GRIK3: variants seen among roughly 807,000 people sequenced by gnomAD.
The protein encoded by GRIK3 is glutamate ionotropic receptor kainate type subunit 3, also known as glutamate receptor ionotropic, kainate 3.
In GRIK3, 29 loss-of-function variants were observed where a neutral mutation model predicts 102.5. That is an observed-to-expected ratio of 0.28 (90% CI 0.21 to 0.39). GRIK3 has a LOEUF of 0.39. GRIK3 is among the 10% of genes least tolerant of loss of function. GRIK3 has a pLI of 1.00. For synonymous variants in GRIK3, 511 were observed against 504.9 expected, an observed-to-expected ratio of 1.01 and a Z score of -0.16; for missense variants, 908 against 1,252.4, an observed-to-expected ratio of 0.73 and a Z score of 4.15.
rs138171690 is a variant in GRIK3 at position 36,801,909 on chromosome 1, C to T, written c.2702G>A (p.Arg901Gln). Residue 901 changes from arginine to glutamine, a missense_variant, in exon 16 of 16, where the codon CGG (arginine) becomes CAG (glutamine). By Grantham distance (43) the Arg-to-Gln change is conservative (BLOSUM62 1). This residue lies in a region of GRIK3 where 297 missense variants were observed against 362.7 expected (regional missense o/e 0.82). Coordinates refer to ENST00000373091, the MANE Select transcript of GRIK3 (RefSeq NM_000831.4). ...GGCCATGCTGTCCTTGCCGGGAAGC[C>T]GGCGGTCATTGAATGTGTGCATGTT... ...VINMHTFNDRRLPGKDSMACS... is the reference protein window; with the variant it reads ...VINMHTFNDRQLPGKDSMACS... The T allele has an allele frequency of 1.1e-5, 17 of 1,613,812 alleles. No homozygotes were observed. The highest frequency in any genetic ancestry group is 1.6e-4 in the Middle Eastern group (1 of 6,062).
At chr1:36,848,206 C>T (rs1272126141) in intron 9 of GRIK3, among the ~76,000 whole-genome samples, 1 of 152,194 alleles carries the variant, frequency 6.6e-6, no homozygotes, top group African/African-American at 2.4e-5. Flanking sequence ...TAAAATTTAA[C>T]CCCTTGATCT....
intron 1 of GRIK3, among the ~76,000 whole-genome samples, chr1:36,961,566 C>A (rs1475007840): frequency 6.6e-6 from 1 of 152,200 alleles, no homozygotes; most frequent in Non-Finnish European, 1.5e-5. Flanking sequence ...CTGGGGGAGC[C>A]CCTTCCCTCC....
chr1:36,819,700 A>G lies in GRIK3; in HGVS notation c.1873+36T>C, dbSNP rs532645256. The G allele has an allele frequency of 1.9e-5, 21 of 1,090,350 alleles. No individual in the cohort carries two copies. In the East Asian group the frequency reaches 3.1e-4, roughly 16 times the overall value. The allele number at this position is 1,090,350 out of a possible 1,614,324, so 67.5% of individuals were successfully genotyped here. On this transcript the variant is annotated intron_variant, in intron 12 of 15. Coordinates refer to ENST00000373091, the MANE Select transcript of GRIK3 (RefSeq NM_000831.4). This position sits in a 1 kb window ranked among gnomAD's most constrained non-coding sequence, Gnocchi z 4.1. ...GCTGAAGACCGCTTGGGGAAAGCAG[A>G]CCCTGGAAGGGGAGGCCCTGGGAGA...
intron 1 of GRIK3, among the ~76,000 whole-genome samples, chr1:36,943,720 T>C (rs1641751760): frequency 6.6e-6 from 1 of 152,212 alleles, no homozygotes; most frequent in Non-Finnish European, 1.5e-5. Context: ...CTATCACTCA[T>C]TCATTAATTT....
intron 13 of GRIK3, among the ~76,000 whole-genome samples, chr1:36,814,130 C>T (rs1642594065): frequency 6.6e-6 from 1 of 152,118 alleles, no homozygotes; most frequent in African/African-American, 2.4e-5. Flanking sequence ...GCAGAGGAGG[C>T]TGTGGGAGGT....
intron 1 of GRIK3, among the ~76,000 whole-genome samples, chr1:36,965,349 A>G (rs1308475657): frequency 6.6e-6 from 1 of 152,236 alleles, no homozygotes; most frequent in African/African-American, 2.4e-5. Context: ...TTTCATTGAA[A>G]TGGGAAAAGA....
intron 2 of GRIK3, among the ~76,000 whole-genome samples, chr1:36,889,354 C>T (rs907955816): frequency 1.3e-5 from 2 of 151,524 alleles, no homozygotes; most frequent in African/African-American, 4.9e-5. Context: ...AAGCATGGCA[C>T]CCTGAGGAGG....
intron 1 of GRIK3, among the ~76,000 whole-genome samples, chr1:36,987,358 T>C (rs1490108918): frequency 1.3e-5 from 2 of 152,190 alleles, no homozygotes; most frequent in African/African-American, 2.4e-5. Flanking sequence ...GGCAAGGATC[T>C]GAGTTCAAGC....
intron 1 of GRIK3, among the ~76,000 whole-genome samples, chr1:37,004,633 A>G (rs1226545743): frequency 6.6e-6 from 1 of 152,214 alleles, no homozygotes; most frequent in African/African-American, 2.4e-5. Flanking sequence ...TCCCTCCCCA[A>G]GCTTCATGCC....
At chr1:36,928,983 A>G (rs1022238336) in intron 1 of GRIK3, among the ~76,000 whole-genome samples, 6 of 152,206 alleles carry the variant, frequency 3.9e-5, no homozygotes, top group African/African-American at 9.6e-5. Context: ...TTTATTGAAC[A>G]TTTATTATGT....
chr1:36,860,597 G>C (rs745597691), intron 5 of GRIK3, among the ~76,000 whole-genome samples: 1 of 152,198 alleles, frequency 6.6e-6, no homozygotes, highest in Non-Finnish European at 1.5e-5. Flanking sequence ...TCGTGGGCCA[G>C]GCAGGTCCTG....
At chr1:36,867,119 A>G (rs1284723387) in intron 5 of GRIK3, among the ~76,000 whole-genome samples, 2 of 152,230 alleles carry the variant, frequency 1.3e-5, no homozygotes, top group Non-Finnish European at 2.9e-5. Flanking sequence ...ATGGATGATT[A>G]AGAAAATGAA....
intron 1 of GRIK3, among the ~76,000 whole-genome samples, chr1:37,004,337 G>T (rs1218775849): frequency 6.6e-6 from 1 of 152,172 alleles, no homozygotes; most frequent in Non-Finnish European, 1.5e-5. Context: ...TGCATAAAAG[G>T]GCTTTGAAAA....
At chr1:36,849,566 A>G (rs1226092425) in intron 9 of GRIK3, 1 of 152,304 alleles carries the variant, frequency 6.6e-6, no homozygotes, top group African/African-American at 2.4e-5. Context: ...CCCCAAAAGC[A>G]GGGCTGTGTC....
At chr1:36,860,517 C>G (rs373363577) in intron 5 of GRIK3, among the ~76,000 whole-genome samples, 45 of 152,290 alleles carry the variant, frequency 3.0e-4, no homozygotes, top group African/African-American at 1.0e-3. Context: ...CCCCCTTTTC[C>G]CCCGATCCCA....
chr1:36,874,283 G>C (rs192856266), intron 3 of GRIK3, among the ~76,000 whole-genome samples: 134 of 152,270 alleles, frequency 8.8e-4, no homozygotes, highest in Non-Finnish European at 1.7e-3. Flanking sequence ...CAATCTGATT[G>C]GTGTCCATCA....
chr1:36,982,774 C>T (rs1268235680), intron 1 of GRIK3, among the ~76,000 whole-genome samples: 1 of 133,578 alleles, frequency 7.5e-6, no homozygotes, highest in African/African-American at 2.9e-5. Flanking sequence ...GGGTCAGGAA[C>T]AGAGCTGAGG....
intron 1 of GRIK3, among the ~76,000 whole-genome samples, chr1:36,980,147 G>A (rs1642234607): frequency 1.3e-5 from 2 of 152,150 alleles, no homozygotes; most frequent in African/African-American, 4.8e-5. Context: ...CCTCCAACTT[G>A]TTCTCTACAC....
intron 1 of GRIK3, among the ~76,000 whole-genome samples, chr1:36,946,069 C>T (rs1557435437): frequency 2.0e-5 from 3 of 152,212 alleles, no homozygotes; most frequent in Admixed American, 6.5e-5. Context: ...AGAGGCAGCC[C>T]GAGGATATGC....
Sources: allele counts gnomAD v4.1 joint callset (sites outside exome capture counted in the v4.1 genomes callset), GRCh38; gene constraint gnomAD v4.1.1; regional missense constraint gnomAD v4.1.1; non-coding constraint Gnocchi (gnomAD v3.1); transcripts MANE v1.5; gene names NCBI Gene and HGNC (gene_info 2026-07-23, HGNC 2026-07-21).